Variants in FNDC3B observed in about 807,000 individuals in gnomAD.
FNDC3B encodes the protein fibronectin type III domain containing 3B, also known as fibronectin type III domain-containing protein 3B.
In FNDC3B, 12 loss-of-function variants were observed where a neutral mutation model predicts 151.5. The observed-to-expected ratio is 0.08, with a 90% confidence interval of 0.05 to 0.13. The LOEUF is 0.13. Among genes scored for constraint, FNDC3B ranks in the 10% least tolerant of loss-of-function variants. FNDC3B has a pLI of 1.00. For missense variants in FNDC3B, 1,214 were observed against 1,505.3 expected (o/e 0.81, Z 3.20); for synonymous variants, 528 against 549.0 (o/e 0.96, Z 0.54).
chr3:172,341,322 TG>T, intron 17 of FNDC3B, 91 bp downstream of exon 17: 4 of 922,988 alleles, frequency 4.3e-6, no homozygotes, highest in African/African-American at 1.6e-5. Context: ...GTTTAAACAA[TG>T]TATCTTGGTA....
chr3:172,377,023 C>T (rs1735183766), intron 23 of FNDC3B, among the ~76,000 whole-genome samples: 1 of 152,226 alleles, frequency 6.6e-6, no homozygotes, highest in African/African-American at 2.4e-5. Context: ...AGCTAACGCA[C>T]AGGGATTAGG....
intron 1 of FNDC3B, among the ~76,000 whole-genome samples, chr3:172,051,913 G>A (rs571266403): frequency 6.6e-6 from 1 of 152,234 alleles, no homozygotes; most frequent in Non-Finnish European, 1.5e-5. Context: ...CGAACAAAAA[G>A]CAGTATTTAT....
At chr3:172,340,939 A>T (rs188763705) in intron 16 of FNDC3B, among the ~76,000 whole-genome samples, 174 bp from the exon 17 acceptor site, 32 of 152,218 alleles carry the variant, frequency 2.1e-4, no homozygotes, top group African/African-American at 7.2e-4. Context: ...AAATGACTCA[A>T]TGTTATTTTG....
intron 11 of FNDC3B, chr3:172,317,150 A>G (rs1182916867): frequency 4.5e-6 from 2 of 447,618 alleles, no homozygotes; most frequent in South Asian, 1.6e-5. Flanking sequence ...CCACCTCTCA[A>G]CATGTTGCAT....
chr3:172,120,728 C>T (rs1313085496), intron 2 of FNDC3B, among the ~76,000 whole-genome samples: 1 of 152,056 alleles, frequency 6.6e-6, no homozygotes, highest in Admixed American at 6.6e-5. Flanking sequence ...AATCCCAGCA[C>T]TTTTGGGAGG....
At chr3:172,362,487 T>C in intron 22 of FNDC3B, 146 bp from the exon 23 acceptor site, 1 of 673,780 alleles carries the variant, frequency 1.5e-6, no homozygotes, top group Non-Finnish European at 2.5e-6. Context: ...CTTCTATTTG[T>C]CTTGAGTTAC....
chr3:172,318,772 G>C (rs1187111792), intron 11 of FNDC3B, among the ~76,000 whole-genome samples: 2 of 152,176 alleles, frequency 1.3e-5, no homozygotes, highest in African/African-American at 4.8e-5. Flanking sequence ...GGCAACTGTG[G>C]GGATTGGAAA....
intron 2 of FNDC3B, among the ~76,000 whole-genome samples, chr3:172,125,345 C>G (rs1177456249): frequency 6.6e-6 from 1 of 152,080 alleles, no homozygotes; most frequent in Non-Finnish European, 1.5e-5. Context: ...GTCACAGCAG[C>G]GGCTCCCTTT....
At chr3:172,395,672 C>G (rs1736238155) in intron 25 of FNDC3B, among the ~76,000 whole-genome samples, 1 of 152,146 alleles carries the variant, frequency 6.6e-6, no homozygotes, top group Non-Finnish European at 1.5e-5. Flanking sequence ...AAAATATTCT[C>G]AACACATATA....
At chr3:172,268,159 G>A (rs1402991336) in intron 6 of FNDC3B, among the ~76,000 whole-genome samples, 1 of 152,182 alleles carries the variant, frequency 6.6e-6, no homozygotes, top group Non-Finnish European at 1.5e-5. Context: ...AGTCATTTGA[G>A]ATTTTTCTCT....
chr3:172,257,569 TACACAC>T (rs10582558), intron 6 of FNDC3B, among the ~76,000 whole-genome samples: 8,869 of 143,822 alleles, frequency 0.062, 455 homozygotes, highest in African/African-American at 0.15. Context: ...CACGCATTCA[TACACAC>T]ACACACACAC....
chr3:172,318,410 C>G (rs956154973), intron 11 of FNDC3B, among the ~76,000 whole-genome samples: 28 of 152,136 alleles, frequency 1.8e-4, no homozygotes, highest in African/African-American at 6.3e-4. Context: ...TGAGTTGGCC[C>G]CGTAGAAGAT....
Position 172,251,509 on chromosome 3 carries a change from G to C in FNDC3B, c.758G>C (p.Ser253Thr). The C allele has an allele frequency of 1.2e-6, 2 of 1,613,784 alleles. No individual in the cohort carries two copies. The highest frequency in any genetic ancestry group is 2.2e-5 in the South Asian group (2 of 91,058). ...AAGAAAACAGAGCGACGAGCAAGAA[G>C]CAGCCCAAAGTCGAATGATTCAGAC... Reference protein sequence around the residue: ...GIKKTERRARSSPKSNDSDLQ... With the variant: ...GIKKTERRARTSPKSNDSDLQ... The change falls in exon 6 of 26, where the codon AGC (serine) becomes ACC (threonine). Residue 253 changes from serine to threonine, a missense_variant. Transcript: ENST00000415807.
intron 1 of FNDC3B, among the ~76,000 whole-genome samples, chr3:172,083,931 T>G (rs976334516): frequency 6.6e-6 from 1 of 152,210 alleles, no homozygotes; most frequent in East Asian, 1.9e-4. Flanking sequence ...GACCTTAGTT[T>G]ATTTTTCTTT....
At chr3:172,174,665 GACAA>G (rs1043035093) in intron 3 of FNDC3B, among the ~76,000 whole-genome samples, 2 of 152,010 alleles carry the variant, frequency 1.3e-5, no homozygotes, top group Non-Finnish European at 2.9e-5. Context: ...ACCTCATCAA[GACAA>G]ACAAACAGGG....
rs543308662 is a variant in FNDC3B at position 172,061,156 on chromosome 3, A to G, written c.-29+21385A>G. ...TTTCTTTTTGCAGAGCCCATCCTAT[A>G]TGAATAATGGATGCTTATTCTAAAC... On this transcript the variant is annotated intron_variant, in intron 1 of 25. Transcript: ENST00000415807. 1.1e-4 allele frequency among the ~76,000 whole-genome samples: 17 copies of G among 151,524 alleles called. No individual in the cohort carries two copies. In the South Asian group the frequency reaches 2.3e-3, roughly 20 times the overall value.
chr3:172,363,857 A>T lies in FNDC3B; in HGVS notation c.3008+1012A>T, dbSNP rs573112038. On this transcript the variant is annotated intron_variant, in intron 23 of 25. Coordinates refer to ENST00000415807, the MANE Select transcript of FNDC3B (RefSeq NM_022763.4). The stretch of plus-strand genomic sequence containing the variant: ...AAGACCCTACCTCTAGAAGCATAGT[A>T]TCAATTTTTAAAATGGCCATAGAAC... Among the ~76,000 whole-genome samples, 5 of 152,334 alleles carry T rather than the reference A, an allele frequency of 3.3e-5. No individual in the cohort carries two copies. In the East Asian group the frequency reaches 7.7e-4, roughly 23 times the overall value.
At chr3:172,339,804 A>G (rs1446495692) in intron 16 of FNDC3B, among the ~76,000 whole-genome samples, 1 of 152,216 alleles carries the variant, frequency 6.6e-6, no homozygotes, top group African/African-American at 2.4e-5. Flanking sequence ...GAATCTTTTC[A>G]GTAATCCTTG....
At chr3:172,212,906 C>A (rs920014978) in intron 3 of FNDC3B, among the ~76,000 whole-genome samples, 6 of 152,220 alleles carry the variant, frequency 3.9e-5, no homozygotes, top group Non-Finnish European at 8.8e-5. Flanking sequence ...GAATATCATG[C>A]ATATGCTATG....
Sources: allele counts gnomAD v4.1 joint callset (sites outside exome capture counted in the v4.1 genomes callset), GRCh38; gene constraint gnomAD v4.1.1; transcripts MANE v1.5; gene names NCBI Gene and HGNC (gene_info 2026-07-23, HGNC 2026-07-21).